KCNQ5: variants seen among roughly 807,000 people sequenced by gnomAD.
KCNQ5 encodes potassium voltage-gated channel subfamily KQT member 5.
KCNQ5 carries 30 observed loss-of-function variants against 98.2 expected under a neutral mutation model. The observed-to-expected ratio is 0.31, with a 90% confidence interval of 0.23 to 0.41. KCNQ5 has a LOEUF of 0.41. Ranked by LOEUF, KCNQ5 falls within the 10% of genes least tolerant of loss-of-function variation. KCNQ5 has a pLI of 1.00. For synonymous variants in KCNQ5, 458 were observed against 449.4 expected (o/e 1.02, Z -0.24); for missense variants, 835 against 1,182.5 (o/e 0.71, Z 4.31).
At chr6:72,996,171 A>G (rs1769291054) in intron 1 of KCNQ5, among the ~76,000 whole-genome samples, 1 of 152,228 alleles carries the variant, frequency 6.6e-6, no homozygotes, top group Non-Finnish European at 1.5e-5. Context: ...ATGATAGAAC[A>G]GTGCAAAGAA....
chr6:72,665,510 G>C (rs998098432), intron 1 of KCNQ5, among the ~76,000 whole-genome samples: 3 of 152,108 alleles, frequency 2.0e-5, no homozygotes, highest in African/African-American at 7.2e-5. Flanking sequence ...AAAGCATCCT[G>C]GTAAACTTCT....
chr6:72,986,928 C>T, intron 1 of KCNQ5: 1 of 858,206 alleles, frequency 1.2e-6, no homozygotes, highest in South Asian at 1.5e-5. Flanking sequence ...GAGGAACAGG[C>T]AGCCTTGGGG....
At chr6:72,877,847 C>T (rs565071681) in intron 1 of KCNQ5, among the ~76,000 whole-genome samples, 26 of 152,160 alleles carry the variant, frequency 1.7e-4, no homozygotes, top group African/African-American at 4.8e-4. Context: ...GTTCATTGGC[C>T]GCAGATCTCA....
chr6:72,754,732 G>A (rs910746941), intron 1 of KCNQ5, among the ~76,000 whole-genome samples: 2 of 151,772 alleles, frequency 1.3e-5, no homozygotes, highest in Admixed American at 6.6e-5. Flanking sequence ...TGACTATCTC[G>A]GTGAATGTTC....
chr6:72,822,432 T>G (rs967301676), intron 1 of KCNQ5, among the ~76,000 whole-genome samples: 1 of 152,208 alleles, frequency 6.6e-6, no homozygotes, highest in Non-Finnish European at 1.5e-5. Flanking sequence ...TTGTACTCCC[T>G]ATTCCTTATG....
At chr6:72,695,001 G>A (rs947604847) in intron 1 of KCNQ5, among the ~76,000 whole-genome samples, 1 of 152,202 alleles carries the variant, frequency 6.6e-6, no homozygotes, top group South Asian at 2.1e-4. Flanking sequence ...TAGGATAATG[G>A]CCTCCAGCTG....
rs74574359 is a variant in KCNQ5, at chr6:72,762,383, T to C, written c.398+139796T>C. Among the ~76,000 whole-genome samples the C allele has an allele frequency of 5.9e-3, 901 of 151,956 alleles. 14 individuals carry two copies. The highest frequency in any genetic ancestry group is 0.02 in the African/African-American group (825 of 41,378). On this transcript the variant is annotated intron_variant, in intron 1 of 13. Transcript: ENST00000370398. Reference sequence around the variant, plus strand: ...CAGGCCTGGGTTTTAAACACAGCTTTGCCATCCAACTAGCCAATGACTTTA... The same window carrying C: ...CAGGCCTGGGTTTTAAACACAGCTTCGCCATCCAACTAGCCAATGACTTTA...
In KCNQ5 at chr6:72,957,184, T is replaced by C. The variant is rs543673524; in HGVS notation, c.399-46724T>C. ...TATGTAGGAAGCTTTTTTTTTTTTTTTTTTGAGATAGGGTCTTGCTCCGTT... is the reference window on the plus strand; with the variant it reads ...TATGTAGGAAGCTTTTTTTTTTTTTCTTTTGAGATAGGGTCTTGCTCCGTT... On this transcript the variant is annotated intron_variant, in intron 1 of 13. Transcript: ENST00000370398. 3.5e-3 allele frequency among the ~76,000 whole-genome samples: 526 copies of C among 151,352 alleles called. 1 individual carries two copies. Among genetic ancestry groups the C allele is most frequent in the Admixed American group, 8.4e-3 (127 of 15,184 alleles).
chr6:72,868,206 CAG>C (rs1280519254), intron 1 of KCNQ5, among the ~76,000 whole-genome samples: 2 of 152,088 alleles, frequency 1.3e-5, no homozygotes, highest in African/African-American at 4.8e-5. Flanking sequence ...CTGTGGTATG[CAG>C]AGTTTCTTTT....
intron 1 of KCNQ5, among the ~76,000 whole-genome samples, chr6:72,831,654 AC>A (rs1366639619): frequency 4.6e-5 from 7 of 151,950 alleles, no homozygotes; most frequent in African/African-American, 1.7e-4. Flanking sequence ...GGTGCAGCAC[AC>A]CAACATGGCA....
At chr6:73,036,246 C>T (rs146483502) in intron 2 of KCNQ5, among the ~76,000 whole-genome samples, 2,497 of 151,594 alleles carry the variant, frequency 0.016, 64 homozygotes, top group African/African-American at 0.056. Context: ...ATTAGCTGGG[C>T]GTGGTGGTGG....
chr6:73,133,393 G>A (rs781428012), intron 9 of KCNQ5, 28 bp from the exon 10 acceptor site: 11 of 1,594,980 alleles, frequency 6.9e-6, no homozygotes, highest in Admixed American at 1.7e-5. Context: ...TGCTTGAAAT[G>A]GAATAATCAT....
At chr6:72,675,894 C>T (rs1425589160) in intron 1 of KCNQ5, among the ~76,000 whole-genome samples, 1 of 152,138 alleles carries the variant, frequency 6.6e-6, no homozygotes, top group Non-Finnish European at 1.5e-5. Flanking sequence ...AATCACTGAA[C>T]ATTTTAACCT....
At chr6:73,106,048 G>T (rs1443050621) in intron 6 of KCNQ5, among the ~76,000 whole-genome samples, 1 of 152,054 alleles carries the variant, frequency 6.6e-6, no homozygotes, top group Non-Finnish European at 1.5e-5. Flanking sequence ...CTCCATCTGG[G>T]GTAGGGAAGG....
intron 2 of KCNQ5, among the ~76,000 whole-genome samples, chr6:73,024,902 C>G (rs1250572875): frequency 6.6e-6 from 1 of 152,218 alleles, no homozygotes; most frequent in Non-Finnish European, 1.5e-5. Context: ...CACAGTGTCT[C>G]TCCTCAATAC....
chr6:72,632,230 T>C (rs1316756062), intron 1 of KCNQ5, among the ~76,000 whole-genome samples: 1 of 148,662 alleles, frequency 6.7e-6, no homozygotes, highest in Admixed American at 6.8e-5. Context: ...CTCCGCCTCC[T>C]GGGTTCACAC....
At chr6:72,782,243 C>CCTCT (rs141220546) in intron 1 of KCNQ5, among the ~76,000 whole-genome samples, 1,712 of 147,734 alleles carry the variant, frequency 0.012, 29 homozygotes, top group African/African-American at 0.039. Flanking sequence ...TCTTATGCAC[C>CCTCT]CTCTCTCTCT....
intron 1 of KCNQ5, among the ~76,000 whole-genome samples, chr6:72,813,553 C>T (rs893080937): frequency 3.3e-5 from 5 of 152,150 alleles, no homozygotes; most frequent in Admixed American, 6.5e-5. Flanking sequence ...CTCACACCCA[C>T]CTCATGTACC....
intron 1 of KCNQ5, among the ~76,000 whole-genome samples, chr6:72,641,727 T>C (rs373839277): frequency 6.6e-6 from 1 of 152,200 alleles, no homozygotes; most frequent in African/African-American, 2.4e-5. Context: ...GTTTCATGAA[T>C]GAATTATGAA....
Sources: gnomAD v4.1 joint callset for allele counts (sites outside exome capture counted in the v4.1 genomes callset) on GRCh38, gnomAD v4.1.1 for gene constraint, MANE v1.5 for transcripts, NCBI Gene and HGNC (gene_info 2026-07-23, HGNC 2026-07-21) for gene names.